The following CDH13 variants were observed in gnomAD, a reference collection of about 807,000 sequenced individuals.
CDH13 encodes cadherin 13.
CDH13 carries 24 observed loss-of-function variants against 63.8 expected under a neutral mutation model. That is an observed-to-expected ratio of 0.38 (90% CI 0.27 to 0.53). The LOEUF (loss-of-function observed/expected upper bound fraction) is 0.53. CDH13 is among the 20% of genes least tolerant of loss of function. The pLI is 0.85. For synonymous variants in CDH13, 503 were observed against 355.3 expected (o/e 1.42, Z -4.67); for missense variants, 1,049 against 903.1 (o/e 1.16, Z -2.07).
At chr16:83,688,347 A>G (rs1423846) in intron 10 of CDH13, among the ~76,000 whole-genome samples, 45,242 of 152,186 alleles carry the variant, frequency 0.3, 6,931 homozygotes, top group Middle Eastern at 0.38. Context: ...CAGGGGTTCA[A>G]AAATATGTAG....
chr16:83,671,020 GC>G (rs1246573573), intron 9 of CDH13, 48 bp downstream of exon 9: 3 of 1,436,202 alleles, frequency 2.1e-6, no homozygotes, highest in South Asian at 2.8e-5. Context: ...AGCACGGAGG[GC>G]CCCATGAGGC....
chr16:83,490,787 A>G (rs1453177239), intron 7 of CDH13, among the ~76,000 whole-genome samples: 1 of 152,174 alleles, frequency 6.6e-6, no homozygotes, highest in Non-Finnish European at 1.5e-5. Context: ...CCCCTTCCAT[A>G]TCTTAAGCTC....
intron 6 of CDH13, among the ~76,000 whole-genome samples, chr16:83,404,415 C>A (rs2092011606): frequency 6.6e-6 from 1 of 152,156 alleles, no homozygotes; most frequent in South Asian, 2.1e-4. Context: ...GTCATTATAT[C>A]CTTGTCTCAG....
intron 2 of CDH13, among the ~76,000 whole-genome samples, chr16:82,908,013 T>C (rs2041705437): frequency 6.6e-6 from 1 of 152,200 alleles, no homozygotes; most frequent in South Asian, 2.1e-4. Context: ...GTACATGTTC[T>C]ACCTGATTTA....
In CDH13 at chr16:83,685,934, A is replaced by G. The variant is rs561229135; in HGVS notation, c.1538+7473A>G. Among the ~76,000 whole-genome samples the G allele has an allele frequency of 6.6e-5, 10 of 152,284 alleles. No individual in the cohort carries two copies. The South Asian group carries it at 2.1e-3, about 32-fold the overall frequency. ...GGGTTTTGAGAATGATGGTAATAAT[A>G]TGGCTACTAGGATGATTAAAATACC... On this transcript the variant is annotated intron_variant, in intron 10 of 13. Coordinates refer to ENST00000567109, the MANE Select transcript of CDH13 (RefSeq NM_001257.5).
intron 4 of CDH13, among the ~76,000 whole-genome samples, chr16:83,175,198 A>T (rs1001550299): frequency 2.0e-5 from 3 of 152,136 alleles, no homozygotes; most frequent in Non-Finnish European, 4.4e-5. Flanking sequence ...CAAACATGCC[A>T]CAGGATAACA....
At chr16:83,505,666 C>G (rs1022731959) in intron 7 of CDH13, among the ~76,000 whole-genome samples, 1 of 151,460 alleles carries the variant, frequency 6.6e-6, no homozygotes, top group Admixed American at 6.6e-5. Context: ...GCCTCAGCCT[C>G]CGGAGTAGCT....
At chr16:82,638,637 C>T (rs779909274) in intron 1 of CDH13, among the ~76,000 whole-genome samples, 11 of 152,124 alleles carry the variant, frequency 7.2e-5, no homozygotes, top group Admixed American at 2.0e-4. Flanking sequence ...TGTCATAATG[C>T]GTGGACATTA....
At chr16:83,111,295 G>T (rs2035045717) in intron 3 of CDH13, among the ~76,000 whole-genome samples, 3 of 152,208 alleles carry the variant, frequency 2.0e-5, no homozygotes, top group Non-Finnish European at 2.9e-5. Context: ...ATTGGATAGT[G>T]CCATGATAGA....
At chr16:82,918,643 G>A (rs1222617674) in intron 2 of CDH13, among the ~76,000 whole-genome samples, 1 of 151,806 alleles carries the variant, frequency 6.6e-6, no homozygotes, top group Admixed American at 6.6e-5. Flanking sequence ...CCAGTAGCTG[G>A]GATTACAGGT....
At chr16:83,253,377 C>G (rs1242106780) in intron 5 of CDH13, among the ~76,000 whole-genome samples, 1 of 152,178 alleles carries the variant, frequency 6.6e-6, no homozygotes, top group African/African-American at 2.4e-5. Context: ...AGAAAGCCGC[C>G]TCAACTGCCC....
chr16:83,005,527 G>T (rs950303269), intron 2 of CDH13, among the ~76,000 whole-genome samples: 3 of 152,068 alleles, frequency 2.0e-5, no homozygotes, highest in African/African-American at 7.2e-5. Flanking sequence ...TTTCTGTGTA[G>T]AGCTTTGAGC....
chr16:83,769,998 C>T (rs373625452), intron 11 of CDH13, among the ~76,000 whole-genome samples: 8 of 152,146 alleles, frequency 5.3e-5, no homozygotes, highest in South Asian at 2.1e-4. Flanking sequence ...GCCTGATTAA[C>T]GCTGAATTAT....
At chr16:83,673,356 G>A (rs548318857) in intron 9 of CDH13, among the ~76,000 whole-genome samples, 57 of 152,172 alleles carry the variant, frequency 3.7e-4, no homozygotes, top group East Asian at 1.9e-4. Flanking sequence ...ACCAATCTCC[G>A]AGAAATCATC....
chr16:83,001,798 G>A lies in CDH13; in HGVS notation c.158-30212G>A, dbSNP rs551995283. On this transcript the variant is annotated intron_variant, in intron 2 of 13. Transcript: ENST00000567109. ...TGTCCAGGTGGTGGGATACAGGCTC[G>A]AGACACATGTTGGAGAAGATCACTT... Among the ~76,000 whole-genome samples, 76 of 152,316 alleles carry A rather than the reference G, an allele frequency of 5.0e-4. 1 individual carries two copies. Among genetic ancestry groups the A allele is most frequent in the Middle Eastern group, 6.8e-3 (2 of 294 alleles).
intron 2 of CDH13, among the ~76,000 whole-genome samples, chr16:82,932,278 A>C (rs957196710): frequency 1.3e-5 from 2 of 152,184 alleles, no homozygotes; most frequent in East Asian, 1.9e-4. Flanking sequence ...CTGAGATTCA[A>C]ATGTAGCTGG....
intron 3 of CDH13, among the ~76,000 whole-genome samples, chr16:83,101,844 G>A (rs2034493519): frequency 6.6e-6 from 1 of 152,138 alleles, no homozygotes; most frequent in South Asian, 2.1e-4. Flanking sequence ...TGGAGTAGGT[G>A]ACTTGTGAGG....
intron 1 of CDH13, among the ~76,000 whole-genome samples, chr16:82,630,579 T>C (rs1907886584): frequency 6.6e-6 from 1 of 152,194 alleles, no homozygotes; most frequent in Non-Finnish European, 1.5e-5. Flanking sequence ...CAAACCAACA[T>C]ACTCAATAAC....
chr16:83,728,829 A>G (rs989760135), intron 10 of CDH13: 7 of 152,242 alleles, frequency 4.6e-5, no homozygotes, highest in African/African-American at 1.7e-4. Flanking sequence ...ACCAAATACC[A>G]CAGACTGGGC....
Sources: allele counts gnomAD v4.1 joint callset (sites outside exome capture counted in the v4.1 genomes callset), GRCh38; gene constraint gnomAD v4.1.1; transcripts MANE v1.5; gene names NCBI Gene and HGNC (gene_info 2026-07-23, HGNC 2026-07-21).